Variants in CTNNA2 observed in about 807,000 individuals in gnomAD.
CTNNA2 encodes catenin alpha 2, also known as catenin alpha-2.
A neutral mutation model predicts 101.0 loss-of-function variants in CTNNA2; 42 were observed. The ratio of observed to expected loss-of-function variants is 0.42; its 90% CI spans 0.32 to 0.54. The LOEUF is 0.54. Among genes scored for constraint, CTNNA2 ranks in the 20% least tolerant of loss-of-function variants. CTNNA2 has a pLI of 0.14. For synonymous variants in CTNNA2, 450 were observed against 456.4 expected (o/e 0.99, Z 0.18); for missense variants, 871 against 1,223.1 (o/e 0.71, Z 4.29).
Position 80,056,804 on chromosome 2 carries a change from G to C in CTNNA2, c.1056+147007G>C, listed in dbSNP as rs1412874192. ...CATCAGAACTCCCACCCACCATGAA[G>C]TGCAGTTTCCCAAGCTGATGTGCAT... is the stretch of plus-strand genomic sequence containing the variant. On this transcript the variant is annotated intron_variant, in intron 7 of 18. Coordinates refer to ENST00000402739, the MANE Select transcript of CTNNA2 (RefSeq NM_001282597.3). Among the ~76,000 whole-genome samples, 3 of 152,182 alleles carry C rather than the reference G, an allele frequency of 2.0e-5. No individual in the cohort carries two copies. The East Asian group carries it at 5.8e-4, about 29-fold the overall frequency.
At chr2:80,098,342 C>T (rs1047662467) in intron 7 of CTNNA2, among the ~76,000 whole-genome samples, 3 of 152,198 alleles carry the variant, frequency 2.0e-5, no homozygotes, top group African/African-American at 4.8e-5. Context: ...ACCGCAAATG[C>T]TGCTGCCTGA....
chr2:80,401,230 G>A lies in CTNNA2; in HGVS notation c.1137+7939G>A, dbSNP rs572364731. Among the ~76,000 whole-genome samples the A allele has an allele frequency of 1.7e-3, 260 of 152,236 alleles. 4 individuals are homozygous for A. The highest frequency in any genetic ancestry group is 5.7e-3 in the African/African-American group (238 of 41,556). On this transcript the variant is annotated intron_variant, in intron 8 of 18. Transcript: ENST00000402739. ...TATCCTAGTGCCCAAAATAAAGTAA[G>A]CCTGCACCACACAGGTGCTGAAAGA...
intron 13 of CTNNA2, chr2:80,579,366 A>G (rs914513924): frequency 1.3e-5 from 2 of 152,138 alleles, no homozygotes; most frequent in Non-Finnish European, 2.9e-5. Flanking sequence ...TTTTTGTTGA[A>G]TGAGATTTTT....
intron 2 of CTNNA2, among the ~76,000 whole-genome samples, chr2:79,691,678 T>C (rs1164208301): frequency 6.6e-6 from 1 of 151,836 alleles, no homozygotes; most frequent in East Asian, 1.9e-4. Context: ...CAAACAGATA[T>C]ATAGACCAAT....
intron 7 of CTNNA2, among the ~76,000 whole-genome samples, chr2:80,019,042 A>G (rs1694361954): frequency 6.6e-6 from 1 of 152,208 alleles, no homozygotes; most frequent in South Asian, 2.1e-4. Flanking sequence ...ACAATACAGT[A>G]TAACCACTAT....
chr2:80,456,658 G>A (rs1300811024), intron 9 of CTNNA2, among the ~76,000 whole-genome samples: 1 of 152,170 alleles, frequency 6.6e-6, no homozygotes, highest in African/African-American at 2.4e-5. Context: ...GAAAACCCAG[G>A]CAATGCATTT....
intron 2 of CTNNA2, among the ~76,000 whole-genome samples, chr2:79,213,256 G>A (rs1392940352): frequency 2.6e-5 from 4 of 152,150 alleles, no homozygotes; most frequent in African/African-American, 4.8e-5. Context: ...GATGCCCTTC[G>A]ACGGCCTTTG....
At chr2:79,875,897 C>T (rs1199013662) in intron 6 of CTNNA2, among the ~76,000 whole-genome samples, 2 of 151,834 alleles carry the variant, frequency 1.3e-5, no homozygotes, top group Admixed American at 1.3e-4. Context: ...CATAAATATA[C>T]AAAAATCTCT....
At chr2:79,602,761 A>G (rs369545422) in intron 1 of CTNNA2, among the ~76,000 whole-genome samples, 137 of 152,296 alleles carry the variant, frequency 9.0e-4, no homozygotes, top group South Asian at 4.6e-3. Flanking sequence ...AAAGTTTCAT[A>G]AGACCTTCAT....
At position 79,756,240 on chromosome 2, in the gene CTNNA2, C is replaced by T. The variant is rs139163593; in HGVS notation, c.298+11658C>T. Reference sequence around the variant, plus strand: ...AATAGCAATGGTTTATTGTTTGCCACTCCATTTGTAAGAAACTTTGTATAT... The same window carrying T: ...AATAGCAATGGTTTATTGTTTGCCATTCCATTTGTAAGAAACTTTGTATAT... On this transcript the variant is annotated intron_variant, in intron 3 of 18. Transcript: ENST00000402739. Among the ~76,000 whole-genome samples the T allele has an allele frequency of 4.1e-3, 621 of 152,300 alleles. 7 individuals are homozygous for T. Among genetic ancestry groups the T allele is most frequent in the African/African-American group, 0.014 (594 of 41,564 alleles).
intron 2 of CTNNA2, among the ~76,000 whole-genome samples, chr2:79,703,631 A>C (rs947049040): frequency 3.7e-4 from 57 of 152,140 alleles, no homozygotes; most frequent in African/African-American, 1.4e-3. Flanking sequence ...TGTTAATTTT[A>C]ATTTTTGTTC....
chr2:80,053,535 T>C lies in CTNNA2; in HGVS notation c.1056+143738T>C, dbSNP rs1395725995. Among the ~76,000 whole-genome samples the C allele has an allele frequency of 9.2e-5, 14 of 152,256 alleles. No homozygotes were observed. In the East Asian group the frequency reaches 2.5e-3, roughly 27 times the overall value. On this transcript the variant is annotated intron_variant, in intron 7 of 18. Transcript: ENST00000402739. ...TCTCCAGACTAAGTGACATGGACTA[T>C]GGACTAATGACGCCTTTCGTTATCA...
At chr2:79,410,429 G>C (rs1285251476) in intron 4 of CTNNA2, among the ~76,000 whole-genome samples, 1 of 151,062 alleles carries the variant, frequency 6.6e-6, no homozygotes, top group Non-Finnish European at 1.5e-5. Flanking sequence ...TATGATATTG[G>C]CTGTGGGTTT....
intron 7 of CTNNA2, among the ~76,000 whole-genome samples, chr2:80,163,819 G>T (rs1038538086): frequency 3.3e-5 from 5 of 151,516 alleles, no homozygotes; most frequent in Admixed American, 1.3e-4. Flanking sequence ...ACATATTTAG[G>T]GTTGCTTTTT....
chr2:79,933,235 T>G (rs562126402), intron 7 of CTNNA2, among the ~76,000 whole-genome samples: 2 of 152,236 alleles, frequency 1.3e-5, no homozygotes, highest in East Asian at 3.9e-4. Flanking sequence ...GGGTTTAATA[T>G]AAAAAAGGGG....
At chr2:79,665,934 T>A (rs1275405559) in intron 2 of CTNNA2, among the ~76,000 whole-genome samples, 1 of 152,230 alleles carries the variant, frequency 6.6e-6, no homozygotes, top group Non-Finnish European at 1.5e-5. Flanking sequence ...TGGTAATGGC[T>A]GAAATGGTAA....
chr2:79,794,639 A>G (rs550162517), intron 3 of CTNNA2, among the ~76,000 whole-genome samples: 95 of 152,310 alleles, frequency 6.2e-4, no homozygotes, highest in African/African-American at 2.1e-3. Flanking sequence ...TTTATCATTA[A>G]TTATAGGTTC....
chr2:80,217,865 C>T (rs1476579460), intron 7 of CTNNA2, among the ~76,000 whole-genome samples: 1 of 152,164 alleles, frequency 6.6e-6, no homozygotes, highest in Non-Finnish European at 1.5e-5. Context: ...GCAGAGCGCT[C>T]CCAGAACACA....
intron 1 of CTNNA2, among the ~76,000 whole-genome samples, chr2:79,565,298 A>G (rs1302780068): frequency 3.3e-5 from 5 of 151,764 alleles, no homozygotes; most frequent in Admixed American, 6.6e-5. Context: ...GAGTCCTCCT[A>G]GCTGGTTTCC....
Sources: allele counts gnomAD v4.1 joint callset (sites outside exome capture counted in the v4.1 genomes callset), GRCh38; gene constraint gnomAD v4.1.1; transcripts MANE v1.5; gene names NCBI Gene and HGNC (gene_info 2026-07-23, HGNC 2026-07-21).